KAZN: variants seen among roughly 807,000 people sequenced by gnomAD.
KAZN encodes the protein kazrin.
A neutral mutation model predicts 87.4 loss-of-function variants in KAZN; 40 were observed. That is an observed-to-expected ratio of 0.46 (90% CI 0.36 to 0.60). The LOEUF (loss-of-function observed/expected upper bound fraction) is 0.60, where lower values mean the gene tolerates loss of function less well. KAZN is among the 20% of genes least tolerant of loss of function. The pLI, the probability that KAZN is intolerant of heterozygous loss-of-function variation, is 0.00. For synonymous variants in KAZN, 466 were observed against 458.3 expected, an observed-to-expected ratio of 1.02 and a Z score of -0.22; for missense variants, 898 against 1,073.9, an observed-to-expected ratio of 0.84 and a Z score of 2.29.
At chr1:13,911,081 C>T (rs902904228) in intron 1 of KAZN, among the ~76,000 whole-genome samples, 2 of 152,146 alleles carry the variant, frequency 1.3e-5, no homozygotes, top group Non-Finnish European at 2.9e-5. Flanking sequence ...TGGAGTCTCG[C>T]TCTGTCACCC....
chr1:14,717,810 C>T (rs1456342787), intron 1 of KAZN, among the ~76,000 whole-genome samples: 1 of 152,158 alleles, frequency 6.6e-6, no homozygotes, highest in African/African-American at 2.4e-5. Flanking sequence ...CACAGCTGGG[C>T]TTGGCCAAAA....
intron 1 of KAZN, among the ~76,000 whole-genome samples, chr1:14,625,623 A>C (rs1250041877): frequency 6.6e-6 from 1 of 152,222 alleles, no homozygotes; most frequent in Non-Finnish European, 1.5e-5. Flanking sequence ...TAGAGTTTTG[A>C]CTGAGGTTGG....
At chr1:14,827,905 G>C (rs1326083862) in intron 1 of KAZN, among the ~76,000 whole-genome samples, 1 of 152,204 alleles carries the variant, frequency 6.6e-6, no homozygotes, top group Non-Finnish European at 1.5e-5. Context: ...ATAGACTGGG[G>C]TTTCTTTTAT....
intron 2 of KAZN, among the ~76,000 whole-genome samples, chr1:14,568,842 C>T (rs1416117446): frequency 4.6e-5 from 7 of 152,188 alleles, no homozygotes; most frequent in South Asian, 2.1e-4. Flanking sequence ...GTAGAAACTA[C>T]GACGGATCCG....
At chr1:14,938,849 C>T (rs1180980925) in intron 1 of KAZN, among the ~76,000 whole-genome samples, 1 of 152,178 alleles carries the variant, frequency 6.6e-6, no homozygotes, top group Non-Finnish European at 1.5e-5. Context: ...AATGATGGCA[C>T]CCATCCTACA....
At chr1:14,567,774 G>A (rs985640311) in intron 2 of KAZN, among the ~76,000 whole-genome samples, 1 of 152,046 alleles carries the variant, frequency 6.6e-6, no homozygotes, top group South Asian at 2.1e-4. Context: ...CATTCCCTCT[G>A]GGTAGACTTC....
chr1:13,905,050 T>C (rs1370307044), intron 1 of KAZN, among the ~76,000 whole-genome samples: 2 of 152,240 alleles, frequency 1.3e-5, no homozygotes, highest in African/African-American at 4.8e-5. Flanking sequence ...TCATTTTTCA[T>C]TGAATGTCTT....
chr1:14,412,050 G>A (rs1664349406), intron 2 of KAZN, among the ~76,000 whole-genome samples: 1 of 152,130 alleles, frequency 6.6e-6, no homozygotes, highest in South Asian at 2.1e-4. Flanking sequence ...GTGCCTAATT[G>A]TAGATTTATT....
chr1:14,052,736 G>A (rs1342453407), intron 1 of KAZN, among the ~76,000 whole-genome samples: 1 of 152,160 alleles, frequency 6.6e-6, no homozygotes, highest in Non-Finnish European at 1.5e-5. Flanking sequence ...AAAGGAGAGA[G>A]GGAGGCCTTT....
At chr1:14,776,880 G>A (rs1159467549) in intron 1 of KAZN, among the ~76,000 whole-genome samples, 1 of 146,708 alleles carries the variant, frequency 6.8e-6, no homozygotes, top group Non-Finnish European at 1.5e-5. Context: ...AGGCTGCAGT[G>A]AGCTATGAGG....
chr1:13,902,641 A>G lies in KAZN; in HGVS notation c.91+8885A>G, dbSNP rs376660095. On this transcript the variant is annotated intron_variant, in intron 1 of 16. Transcript: ENST00000636203. ...ACGATCTAGTGTTTGATAGCTCTGG[A>G]GGGTGACTGTAATTAATTGCGTATT... 1.8e-4 allele frequency among the ~76,000 whole-genome samples: 27 copies of G among 152,324 alleles called. No individual in the cohort carries two copies. The South Asian group carries it at 5.4e-3, about 30-fold the overall frequency.
intron 1 of KAZN, among the ~76,000 whole-genome samples, chr1:14,782,215 G>A (rs1386114972): frequency 1.3e-5 from 2 of 152,160 alleles, no homozygotes; most frequent in Non-Finnish European, 2.9e-5. Context: ...ATCGATAAGT[G>A]AGCAGCTGCA....
intron 1 of KAZN, among the ~76,000 whole-genome samples, chr1:14,042,318 A>G (rs2101406811): frequency 6.6e-6 from 1 of 152,114 alleles, no homozygotes; most frequent in South Asian, 2.1e-4. Flanking sequence ...TGTAGAGGAG[A>G]GGGAAGTCAC....
At position 14,419,943 on chromosome 1, in the gene KAZN, A is replaced by G. The variant is rs1388422524; in HGVS notation, c.250-179040A>G. Among the ~76,000 whole-genome samples the G allele has an allele frequency of 2.0e-5, 3 of 152,124 alleles. 1 individual carries two copies. Among genetic ancestry groups the G allele is most frequent in the Non-Finnish European group, 4.4e-5 (3 of 68,018 alleles). ...CAAAGAGCGAAAGAACAAAACTTCC[A>G]CAAGGTGGAAGGGAACATTAGGGGA... On this transcript the variant is annotated intron_variant, in intron 2 of 16. Coordinates refer to the KAZN transcript ENST00000636203.
intron 2 of KAZN, among the ~76,000 whole-genome samples, chr1:14,982,615 T>A (rs762990775): frequency 4.5e-4 from 69 of 152,072 alleles, no homozygotes; most frequent in African/African-American, 1.4e-3. Flanking sequence ...TTAGTAGAGA[T>A]GCGGTTTCAC....
intron 1 of KAZN, among the ~76,000 whole-genome samples, chr1:14,848,849 G>A (rs576903652): frequency 1.7e-4 from 26 of 152,352 alleles, no homozygotes; most frequent in African/African-American, 6.3e-4. Context: ...GGAGACATCT[G>A]TGTAGCGTAG....
intron 1 of KAZN, among the ~76,000 whole-genome samples, chr1:14,073,040 C>G (rs1013782327): frequency 6.6e-6 from 1 of 152,160 alleles, no homozygotes; most frequent in African/African-American, 2.4e-5. Flanking sequence ...GTGGAAGGAG[C>G]TAAAACATAG....
chr1:14,323,408 C>A (rs577157017), intron 2 of KAZN, among the ~76,000 whole-genome samples: 138 of 152,214 alleles, frequency 9.1e-4, no homozygotes, highest in Non-Finnish European at 1.1e-3. Context: ...CATTTACCTT[C>A]TTTCTTATAT....
At position 14,481,067 on chromosome 1, in the gene KAZN, C is replaced by G. The variant is rs184433618; in HGVS notation, c.250-117916C>G. ...TCTGTCTTTCATTCCCTAAGCATAG[C>G]TTTGCTCTGTTTTTTCTAACCCAGT... is the stretch of plus-strand genomic sequence containing the variant. On this transcript the variant is annotated intron_variant, in intron 2 of 16. Coordinates refer to the KAZN transcript ENST00000636203. 4.6e-5 allele frequency among the ~76,000 whole-genome samples: 7 copies of G among 151,898 alleles called. No individual in the cohort carries two copies. In the East Asian group the frequency reaches 7.7e-4, roughly 17 times the overall value.
Sources: gnomAD v4.1 joint callset for allele counts (sites outside exome capture counted in the v4.1 genomes callset) on GRCh38, gnomAD v4.1.1 for gene constraint, MANE v1.5 for transcripts, NCBI Gene and HGNC (gene_info 2026-07-23, HGNC 2026-07-21) for gene names.